Variants in RAB3C observed in about 807,000 individuals in gnomAD.
RAB3C encodes ras-related protein Rab-3C.
Under a neutral mutation model 26.4 loss-of-function variants are expected in RAB3C, and 17 were observed. The ratio of observed to expected loss-of-function variants is 0.64; its 90% CI spans 0.44 to 0.97. The LOEUF (loss-of-function observed/expected upper bound fraction) is 0.97. Among genes scored for constraint, RAB3C ranks in the 50% least tolerant of loss-of-function variants. The probability of loss-of-function intolerance (pLI) is 0.00; values close to 1 mark genes in which losing one functional copy is unlikely to be tolerated. For synonymous variants in RAB3C, 91 were observed against 95.9 expected (o/e 0.95, Z 0.30); for missense variants, 242 against 281.9 (o/e 0.86, Z 1.01).
intron 2 of RAB3C, among the ~76,000 whole-genome samples, chr5:58,706,019 T>C (rs1187337946): frequency 6.6e-6 from 1 of 152,204 alleles, no homozygotes; most frequent in Non-Finnish European, 1.5e-5. Flanking sequence ...ATCCAGTTGA[T>C]GTTTTTCTGA....
At chr5:58,683,432 C>A (rs773563780) in intron 2 of RAB3C, among the ~76,000 whole-genome samples, 4 of 152,020 alleles carry the variant, frequency 2.6e-5, no homozygotes, top group Non-Finnish European at 5.9e-5. Context: ...GTTATGTACA[C>A]GTCTGCATTT....
At chr5:58,618,517 G>T (rs901833646) in intron 2 of RAB3C, among the ~76,000 whole-genome samples, 2 of 152,074 alleles carry the variant, frequency 1.3e-5, no homozygotes, top group African/African-American at 4.8e-5. Context: ...AGACCATTTG[G>T]TTAGCTTTTT....
intron 2 of RAB3C, among the ~76,000 whole-genome samples, chr5:58,669,583 G>C (rs762789069): frequency 6.6e-6 from 1 of 152,174 alleles, no homozygotes; most frequent in Non-Finnish European, 1.5e-5. Flanking sequence ...AGTAGTTTAG[G>C]TGTGCACTAG....
At chr5:58,820,424 A>C (rs997150045) in intron 3 of RAB3C, among the ~76,000 whole-genome samples, 4 of 152,176 alleles carry the variant, frequency 2.6e-5, no homozygotes, top group African/African-American at 9.7e-5. Flanking sequence ...GACTGTGCCT[A>C]AAGCTCCCTT....
At chr5:58,798,573 CA>C (rs1317540900) in intron 3 of RAB3C, among the ~76,000 whole-genome samples, 2 of 152,094 alleles carry the variant, frequency 1.3e-5, no homozygotes, top group African/African-American at 4.8e-5. Context: ...TGGTCATAAT[CA>C]AAACTGATTC....
intron 1 of RAB3C, among the ~76,000 whole-genome samples, chr5:58,586,172 C>T (rs1476890427): frequency 6.6e-6 from 1 of 151,948 alleles, no homozygotes; most frequent in East Asian, 1.9e-4. Context: ...AACAATCATA[C>T]ATATCTATGG....
intron 3 of RAB3C, among the ~76,000 whole-genome samples, chr5:58,758,535 C>T (rs1741724703): frequency 6.6e-6 from 1 of 152,104 alleles, no homozygotes; most frequent in Admixed American, 6.5e-5. Context: ...TTCATTTCTT[C>T]AATAGATCTG....
chr5:58,738,394 A>AGT (rs373648888), intron 3 of RAB3C, among the ~76,000 whole-genome samples: 2 of 152,042 alleles, frequency 1.3e-5, no homozygotes, highest in African/African-American at 2.4e-5. Context: ...GTTTCAGAAA[A>AGT]GTGTGTGTGT....
intron 3 of RAB3C, among the ~76,000 whole-genome samples, chr5:58,813,480 T>C (rs1371750337): frequency 2.6e-5 from 4 of 151,670 alleles, no homozygotes; most frequent in Non-Finnish European, 4.4e-5. Flanking sequence ...GTATCTTCTG[T>C]GGTCACAGTG....
intron 3 of RAB3C, chr5:58,817,066 C>G (rs532122580): frequency 1.4e-4 from 22 of 152,300 alleles, no homozygotes; most frequent in African/African-American, 5.1e-4. Context: ...GTCTGTTAAT[C>G]ACAGCAGCAC....
At chr5:58,779,301 C>T (rs917160500) in intron 3 of RAB3C, among the ~76,000 whole-genome samples, 3 of 150,476 alleles carry the variant, frequency 2.0e-5, no homozygotes, top group Admixed American at 6.6e-5. Flanking sequence ...CAAGAATGAA[C>T]TCATTATAGA....
intron 2 of RAB3C, among the ~76,000 whole-genome samples, chr5:58,717,886 C>A (rs1490945552): frequency 6.6e-6 from 1 of 152,078 alleles, no homozygotes; most frequent in Non-Finnish European, 1.5e-5. Flanking sequence ...TTCAATGAGC[C>A]CAATCGGCAC....
At chr5:58,595,978 A>G (rs938779287) in intron 1 of RAB3C, among the ~76,000 whole-genome samples, 21 of 152,060 alleles carry the variant, frequency 1.4e-4, no homozygotes, top group Admixed American at 4.6e-4. Flanking sequence ...TAATGTTTTA[A>G]ACTTACTTTT....
chr5:58,664,097 G>T (rs995043535), intron 2 of RAB3C, among the ~76,000 whole-genome samples: 1 of 152,048 alleles, frequency 6.6e-6, no homozygotes, highest in Admixed American at 6.6e-5. Flanking sequence ...GAAATTCAGC[G>T]CAGTCCAGCA....
intron 3 of RAB3C, chr5:58,823,267 C>T (rs1053565694): frequency 8.9e-6 from 2 of 225,708 alleles, no homozygotes; most frequent in Non-Finnish European, 1.8e-5. Flanking sequence ...GGCTCACAGT[C>T]CCAGCACTTT....
intron 2 of RAB3C, among the ~76,000 whole-genome samples, chr5:58,724,587 A>G (rs1198363840): frequency 2.0e-5 from 3 of 151,842 alleles, no homozygotes; most frequent in East Asian, 1.9e-4. Flanking sequence ...CAGATTTTAA[A>G]TAAATATGAT....
intron 1 of RAB3C, among the ~76,000 whole-genome samples, chr5:58,597,765 A>G (rs1561261236): frequency 1.6e-4 from 18 of 114,764 alleles, no homozygotes; most frequent in African/African-American, 6.7e-4. Context: ...ATAAGTATAT[A>G]ACATATAATA....
chr5:58,582,820 G>A (rs1327871416), upstream of RAB3C, among the ~76,000 whole-genome samples: 1 of 152,194 alleles, frequency 6.6e-6, no homozygotes, highest in African/African-American at 2.4e-5. Flanking sequence ...GGTCACATTC[G>A]CCTGCCCCTG....
intron 2 of RAB3C, among the ~76,000 whole-genome samples, chr5:58,696,571 G>A (rs967942669): frequency 1.3e-5 from 2 of 152,036 alleles, no homozygotes; most frequent in African/African-American, 4.8e-5. Context: ...TTGTTTGGTA[G>A]GCTATTAATT....
Sources: allele counts gnomAD v4.1 joint callset (sites outside exome capture counted in the v4.1 genomes callset), GRCh38; gene constraint gnomAD v4.1.1; transcripts MANE v1.5; gene names NCBI Gene and HGNC (gene_info 2026-07-23, HGNC 2026-07-21).